Variants in MAP4K5 observed in about 807,000 individuals in gnomAD.
MAP4K5 encodes mitogen-activated protein kinase kinase kinase kinase 5.
In MAP4K5, 82 loss-of-function variants were observed where a neutral mutation model predicts 135.6. The ratio of observed to expected loss-of-function variants is 0.60; its 90% CI spans 0.51 to 0.73. The LOEUF (loss-of-function observed/expected upper bound fraction) is 0.73. Ranked by LOEUF, MAP4K5 falls within the 30% of genes least tolerant of loss-of-function variation. The pLI is 0.00. For synonymous variants in MAP4K5, 347 were observed against 335.0 expected, an observed-to-expected ratio of 1.04 and a Z score of -0.39; for missense variants, 907 against 1,010.9, an observed-to-expected ratio of 0.90 and a Z score of 1.39.
chr14:50,532,694 G>C (rs1218723667), upstream of MAP4K5: 1 of 152,526 alleles, frequency 6.6e-6, no homozygotes, highest in Non-Finnish European at 1.5e-5. Flanking sequence ...CGCAGAACCA[G>C]AGTGCCGCCC....
chr14:50,560,420 G>C lies in MAP4K5; in HGVS notation c.-180+620C>G, dbSNP rs566356232. 2.9e-5 allele frequency: 39 copies of C among 1,331,216 alleles called. No individual in the cohort carries two copies. The East Asian group carries it at 8.8e-4, about 30-fold the overall frequency. The allele number at this position is 1,331,216 out of a possible 1,614,324, so 82.5% of individuals were successfully genotyped here. ...GTGCCTGCGTCCACGGCTGGGAGACGGGCCGTAGCCGAGCCGCTCCCTGTT... is the reference window on the plus strand; with the variant it reads ...GTGCCTGCGTCCACGGCTGGGAGACCGGCCGTAGCCGAGCCGCTCCCTGTT... On this transcript the variant is annotated intron_variant, in intron 1 of 8. Coordinates refer to the MAP4K5 transcript ENST00000555216.
At chr14:50,546,170 TC>T (rs1363262688) in intron 1 of MAP4K5, among the ~76,000 whole-genome samples, 1 of 152,186 alleles carries the variant, frequency 6.6e-6, no homozygotes. Context: ...TTTTAAAAAA[TC>T]AAACTGCTAT....
chr14:50,447,562 G>T (rs2036383794), intron 15 of MAP4K5, 81 bp from the exon 16 acceptor site: 2 of 749,966 alleles, frequency 2.7e-6, no homozygotes, highest in South Asian at 3.8e-5. Context: ...AAACATTCCA[G>T]TGTCATGATT....
chr14:50,471,509 G>A lies in MAP4K5; in HGVS notation c.543-2727C>T, dbSNP rs1311483434. 8.6e-5 allele frequency among the ~76,000 whole-genome samples: 13 copies of A among 151,952 alleles called. 2 individuals are homozygous for A. The highest frequency in any genetic ancestry group is 8.5e-4 in the Admixed American group (13 of 15,260). ...TTGGAGAAAAACCCCGAGAACAGAAGAAATCTGGTAAATCCTTGAGACTCT... is the reference window on the plus strand; with the variant it reads ...TTGGAGAAAAACCCCGAGAACAGAAAAAATCTGGTAAATCCTTGAGACTCT... On this transcript the variant is annotated intron_variant, in intron 9 of 32. Transcript: ENST00000682126.
intron 2 of MAP4K5, among the ~76,000 whole-genome samples, chr14:50,507,994 T>C (rs1237527409): frequency 6.6e-6 from 1 of 152,172 alleles, no homozygotes; most frequent in African/African-American, 2.4e-5. Context: ...AGTCTCTTTG[T>C]AGGTCTCTAA....
chr14:50,559,669 A>C (rs1411420883), intron 1 of MAP4K5: 2 of 152,308 alleles, frequency 1.3e-5, no homozygotes, highest in Non-Finnish European at 2.9e-5. Flanking sequence ...TTCTAATTTT[A>C]AGACAAACTA....
chr14:50,525,608 G>A (rs1295460276), intron 2 of MAP4K5, among the ~76,000 whole-genome samples: 1 of 152,122 alleles, frequency 6.6e-6, no homozygotes, highest in East Asian at 1.9e-4. Flanking sequence ...GGCAGAGGTG[G>A]ATGGATTGCT....
At chr14:50,462,290 T>G (rs946512276) in intron 13 of MAP4K5, among the ~76,000 whole-genome samples, 1 of 152,178 alleles carries the variant, frequency 6.6e-6, no homozygotes, top group African/African-American at 2.4e-5. Flanking sequence ...CTACAGAAGC[T>G]GAGGTCTAGA....
intron 6 of MAP4K5, among the ~76,000 whole-genome samples, chr14:50,479,643 C>T (rs2139896182): frequency 6.6e-6 from 1 of 152,192 alleles, no homozygotes; most frequent in African/African-American, 2.4e-5. Context: ...TTTTTGTCTG[C>T]TAATTCTGGC....
chr14:50,456,677 T>TAAG, intron 13 of MAP4K5, 83 bp from the exon 14 acceptor site: 5 of 775,262 alleles, frequency 6.4e-6, no homozygotes, highest in South Asian at 1.9e-5. Context: ...CATTTATTGA[T>TAAG]AAATATGAAT....
chr14:50,462,646 A>C lies in MAP4K5; in HGVS notation c.936+19T>G. The C allele has an allele frequency of 1.3e-6, 2 of 1,520,094 alleles. No homozygotes were observed. The highest frequency in any genetic ancestry group is 2.3e-5 in the East Asian group (1 of 43,856). The allele number at this position is 1,520,094 out of a possible 1,614,324, so 94.2% of individuals were successfully genotyped here. A position where few individuals can be genotyped will look rare whatever the true frequency, so the allele number is the denominator to read the frequency against. On this transcript the variant is annotated intron_variant, in intron 13 of 32. Transcript: ENST00000682126. The stretch of plus-strand genomic sequence containing the variant: ...TAAAACATTTATTTTCAACTATGAG[A>C]CTGCAAACACTTCCTTACCTCAAAG...
At position 50,419,766 on chromosome 14, in the gene MAP4K5, C is replaced by T; in HGVS notation, c.*253G>A. 2.8e-6 allele frequency: 1 copy of T among 357,022 alleles called. No homozygotes were observed. Among genetic ancestry groups the T allele is most frequent in the Non-Finnish European group, 5.1e-6 (1 of 196,454 alleles). 22.1% of individuals were successfully genotyped at this position (357,022 alleles called of 1,614,324 possible). On this transcript the variant is annotated 3_prime_UTR_variant, in exon 33 of 33. Coordinates refer to ENST00000682126, the MANE Select transcript of MAP4K5 (RefSeq NM_006575.6). ...TTTTTTTTAAAAAAAGACTGTGTTT[C>T]CTGGAACTAGAGGACTATTTGTCTC...
intron 2 of MAP4K5, among the ~76,000 whole-genome samples, chr14:50,520,179 A>C (rs2038119038): frequency 6.6e-6 from 1 of 152,040 alleles, no homozygotes; most frequent in South Asian, 2.1e-4. Context: ...CTTGGCCAAC[A>C]TAGTGAAACC....
chr14:50,482,132 A>T (rs188872299), intron 6 of MAP4K5, among the ~76,000 whole-genome samples: 2 of 152,370 alleles, frequency 1.3e-5, no homozygotes, highest in East Asian at 3.9e-4. Flanking sequence ...TGATCACTGT[A>T]TATGTCGGCA....
intron 2 of MAP4K5, among the ~76,000 whole-genome samples, chr14:50,542,006 C>CAAAAAAAAAAAAA (rs59075218): frequency 1.6e-5 from 1 of 62,462 alleles, no homozygotes; most frequent in Non-Finnish European, 2.7e-5. Context: ...GATTCCGTCT[C>CAAAAAAAAAAAAA]AAAAAAAAAA....
Position 50,463,135 on chromosome 14 carries a change from A to G in MAP4K5, c.820-354T>C, listed in dbSNP as rs78016729. 8.0e-3 allele frequency among the ~76,000 whole-genome samples: 1,219 copies of G among 152,316 alleles called. 9 individuals are homozygous for G. The highest frequency in any genetic ancestry group is 0.027 in the African/African-American group (1,135 of 41,568). ...TACTGTGGTATGGTACATAATCACA[A>G]TAAGAAAAAAGCATGTATATCATAT... On this transcript the variant is annotated intron_variant, in intron 12 of 32. Coordinates refer to ENST00000682126, the MANE Select transcript of MAP4K5 (RefSeq NM_006575.6).
chr14:50,485,109 A>G (rs2037335850), intron 5 of MAP4K5, among the ~76,000 whole-genome samples: 1 of 152,146 alleles, frequency 6.6e-6, no homozygotes, highest in Non-Finnish European at 1.5e-5. Context: ...AATTCAACTC[A>G]GGAAACTGCC....
At chr14:50,533,523 A>G (rs1595560128), upstream of MAP4K5, among the ~76,000 whole-genome samples, 1 of 152,202 alleles carries the variant, frequency 6.6e-6, no homozygotes, top group African/African-American at 2.4e-5. Flanking sequence ...ATATTTCACA[A>G]GCTGTTTTGC....
At chr14:50,442,623 G>C in intron 21 of MAP4K5, 109 bp downstream of exon 21, 1 of 758,364 alleles carries the variant, frequency 1.3e-6, no homozygotes, top group Non-Finnish European at 2.2e-6. Context: ...ATACCATTAG[G>C]TCTCTAAAGT....
Sources: allele counts gnomAD v4.1 joint callset (sites outside exome capture counted in the v4.1 genomes callset), GRCh38; gene constraint gnomAD v4.1.1; transcripts MANE v1.5; gene names NCBI Gene and HGNC (gene_info 2026-07-23, HGNC 2026-07-21).